The following GPHN variants were observed in gnomAD, a reference collection of about 807,000 sequenced individuals.
The protein encoded by GPHN is gephyrin.
GPHN carries 17 observed loss-of-function variants against 95.5 expected under a neutral mutation model. That is an observed-to-expected ratio of 0.18 (90% CI 0.12 to 0.27). The LOEUF is 0.27. GPHN is among the 10% of genes least tolerant of loss of function. The pLI, the probability that GPHN is intolerant of heterozygous loss-of-function variation, is 1.00. For missense variants in GPHN, 660 were observed against 978.1 expected, an observed-to-expected ratio of 0.67 and a Z score of 4.34; for synonymous variants, 320 against 322.5, an observed-to-expected ratio of 0.99 and a Z score of 0.08.
the GPHN span, chr14:67,569,963 G>T: frequency 1.2e-6 from 2 of 1,609,966 alleles, no homozygotes; most frequent in African/African-American, 2.7e-5. Context: ...TCTTTCTCTG[G>T]CCTGGTCTAC....
chr14:67,491,954 G>A, the GPHN span, among the ~76,000 whole-genome samples: 1 of 152,150 alleles, frequency 6.6e-6, no homozygotes, highest in Non-Finnish European at 1.5e-5. Flanking sequence ...CAACCCCACG[G>A]GGCCCTGTCC....
chr14:67,600,231 C>A, the GPHN span: 1 of 1,536,652 alleles, frequency 6.5e-7, no homozygotes, highest in Admixed American at 1.9e-5. Context: ...GCCCGCACCG[C>A]GCGGCGCTGC....
intron 2 of GPHN, among the ~76,000 whole-genome samples, chr14:66,689,062 A>C (rs538694699): frequency 1.1e-3 from 166 of 152,226 alleles, no homozygotes; most frequent in Admixed American, 1.6e-3. Flanking sequence ...TTAAAGTATA[A>C]TTTTTTAAAA....
At chr14:67,240,195 G>A in the GPHN span, among the ~76,000 whole-genome samples, 2 of 152,108 alleles carry the variant, frequency 1.3e-5, no homozygotes, top group Non-Finnish European at 2.9e-5. Context: ...TAACAAATCT[G>A]GGAAGGGTAG....
chr14:66,854,876 C>G (rs906399458), intron 4 of GPHN, among the ~76,000 whole-genome samples: 1 of 147,450 alleles, frequency 6.8e-6, no homozygotes, highest in Admixed American at 6.9e-5. Flanking sequence ...GAGACGTAGT[C>G]TCACTCTGTC....
the GPHN span, among the ~76,000 whole-genome samples, chr14:67,654,944 G>A: frequency 9.6e-5 from 14 of 146,024 alleles, no homozygotes; most frequent in Non-Finnish European, 2.1e-4. Flanking sequence ...CAGGAGAATG[G>A]CATGAACCTG....
At chr14:66,623,617 C>CAAAAA (rs57810648) in intron 1 of GPHN, among the ~76,000 whole-genome samples, 1 of 91,526 alleles carries the variant, frequency 1.1e-5, no homozygotes, top group Non-Finnish European at 2.9e-5. Flanking sequence ...GACTCTGTTT[C>CAAAAA]AAAAAAAAAA....
the GPHN span, chr14:67,573,520 C>A: frequency 1.5e-6 from 1 of 661,988 alleles, no homozygotes; most frequent in Non-Finnish European, 2.6e-6. The surrounding 1 kb of genome is among the most constrained non-coding windows in gnomAD (Gnocchi z 4.8). Flanking sequence ...GGAGAGGCAA[C>A]CTCACTGGGC....
chr14:66,784,132 C>G (rs909002450), intron 3 of GPHN, among the ~76,000 whole-genome samples: 1 of 152,028 alleles, frequency 6.6e-6, no homozygotes, highest in Non-Finnish European at 1.5e-5. Context: ...ACTATGAATT[C>G]TCTTTAAAAA....
the GPHN span, chr14:67,652,619 A>ACT: frequency 6.6e-6 from 1 of 151,994 alleles, no homozygotes; most frequent in Admixed American, 6.6e-5. Flanking sequence ...CAGCATCTTG[A>ACT]CTCAGTTACT....
chr14:67,559,664 G>A, the GPHN span: 1 of 1,606,840 alleles, frequency 6.2e-7, no homozygotes, highest in Non-Finnish European at 8.5e-7. Context: ...CAAAGATCAA[G>A]GAATGGGTGA....
At chr14:67,510,558 TAAAAGA>T in the GPHN span, among the ~76,000 whole-genome samples, 20 of 152,104 alleles carry the variant, frequency 1.3e-4, no homozygotes, top group Non-Finnish European at 2.1e-4. Flanking sequence ...TATGCCAAAC[TAAAAGA>T]AAAAGAAAAA....
the GPHN span, chr14:67,376,627 AT>A: frequency 6.3e-7 from 1 of 1,597,652 alleles, no homozygotes. Context: ...CTACCTTGAT[AT>A]CACAACTCTT....
chr14:66,780,623 A>G (rs1433530505), intron 3 of GPHN, among the ~76,000 whole-genome samples: 7 of 152,016 alleles, frequency 4.6e-5, no homozygotes, highest in Admixed American at 4.6e-4. Context: ...GATGATATGT[A>G]ACATAATTTT....
chr14:67,725,083 T>C, the GPHN span: 2 of 1,614,016 alleles, frequency 1.2e-6, no homozygotes, highest in Admixed American at 1.7e-5. Flanking sequence ...CTGCTCTTTT[T>C]TTGTCTTGGA....
chr14:66,526,845 A>C (rs2139881908), intron 1 of GPHN, among the ~76,000 whole-genome samples: 1 of 152,258 alleles, frequency 6.6e-6, no homozygotes, highest in South Asian at 2.1e-4. Context: ...ATGGTGGAAA[A>C]GCTTTCTGAT....
chr14:66,709,737 A>T (rs1273298701), intron 2 of GPHN, among the ~76,000 whole-genome samples: 6 of 152,198 alleles, frequency 3.9e-5, no homozygotes, highest in Non-Finnish European at 8.8e-5. Context: ...GTCTTTCCTT[A>T]ATGAAGTCAC....
chr14:66,629,012 C>T (rs1462849397), intron 1 of GPHN, among the ~76,000 whole-genome samples: 2 of 148,624 alleles, frequency 1.3e-5, no homozygotes, highest in African/African-American at 5.0e-5. Flanking sequence ...TTGCAGTGAA[C>T]TCTGATCTCA....
At chr14:66,510,439 C>A (rs1265702288) in intron 1 of GPHN, among the ~76,000 whole-genome samples, 1 of 152,210 alleles carries the variant, frequency 6.6e-6, no homozygotes, top group East Asian at 1.9e-4. Flanking sequence ...AGTGACATAG[C>A]AGATAGGTGT....
Sources: gnomAD v4.1 joint callset for allele counts (sites outside exome capture counted in the v4.1 genomes callset) on GRCh38, gnomAD v4.1.1 for gene constraint, Gnocchi (gnomAD v3.1) non-coding constraint, MANE v1.5 for transcripts, NCBI Gene and HGNC (gene_info 2026-07-23, HGNC 2026-07-21) for gene names.